Variants in LHX9 observed in about 807,000 individuals in gnomAD.
LHX9 encodes LIM/homeobox protein Lhx9.
In LHX9, 9 loss-of-function variants were observed where a neutral mutation model predicts 36.5. The ratio of observed to expected loss-of-function variants is 0.25; its 90% CI spans 0.15 to 0.43. The LOEUF (loss-of-function observed/expected upper bound fraction) is 0.43, where lower values mean the gene tolerates loss of function less well. LHX9 is among the 20% of genes least tolerant of loss of function. LHX9 has a pLI of 1.00. For synonymous variants in LHX9, 211 were observed against 212.1 expected (o/e 0.99, Z 0.04); for missense variants, 464 against 526.4 (o/e 0.88, Z 1.16).
At chr1:197,914,191 T>C (rs867527), upstream of LHX9, among the ~76,000 whole-genome samples, 21 of 152,278 alleles carry the variant, frequency 1.4e-4, no homozygotes, top group South Asian at 4.4e-3. Context: ...GTGTGCTCAA[T>C]TGTGAGGGAG....
upstream of LHX9, among the ~76,000 whole-genome samples, chr1:197,915,384 A>G (rs1659716078): frequency 6.6e-6 from 1 of 152,098 alleles, no homozygotes; most frequent in Admixed American, 6.6e-5. Flanking sequence ...TTGTGAGAGG[A>G]CCTGCTGTCT....
chr1:197,929,747 T>C lies in LHX9; in HGVS notation c.*488T>C. On this transcript the variant is annotated 3_prime_UTR_variant, in exon 5 of 5. Coordinates refer to ENST00000367387, the MANE Select transcript of LHX9 (RefSeq NM_020204.3). ...TGAAAACGTTACATTTTTTAAATCT[T>C]AAAACTGAAAACTTGTTTTTAGTAT... 1 of 948,826 alleles carries C rather than the reference T, an allele frequency of 1.1e-6. No individual in the cohort carries two copies. The highest frequency in any genetic ancestry group is 1.3e-6 in the Non-Finnish European group (1 of 796,380). 58.8% of individuals were successfully genotyped at this position (948,826 alleles called of 1,614,324 possible).
At position 197,920,104 on chromosome 1, in the gene LHX9, C is replaced by T. The variant is rs377269488; in HGVS notation, c.307C>T (p.Leu103=). Residue 103 remains leucine, a synonymous_variant, in exon 2 of 5, where the codon CTG becomes TTG. Transcript: ENST00000367387. The stretch of plus-strand genomic sequence containing the variant: ...ATGCCTGAAGTGCTGTGAATGTAAG[C>T]TGGCCCTCGAGTCCGAGCTCACCTG... ...LRCLKCCECK[L]ALESELTCFA... The T allele has an allele frequency of 1.2e-5, 19 of 1,614,114 alleles. No homozygotes were observed. The highest frequency in any genetic ancestry group is 2.2e-5 in the East Asian group (1 of 44,898).
upstream of LHX9, chr1:197,917,091 T>TGTGTGG (rs1659782306): frequency 2.4e-5 from 1 of 41,334 alleles, no homozygotes; most frequent in South Asian, 9.9e-4. Flanking sequence ...CTTGGAAGGA[T>TGTGTGG]GTGTGTGTGT....
At chr1:197,927,549 A>T (rs1402105125) in intron 3 of LHX9, 42 bp from the exon 4 acceptor site, 4 of 1,553,510 alleles carry the variant, frequency 2.6e-6, no homozygotes, top group East Asian at 4.5e-5. Context: ...CTAATGCAAG[A>T]ATTTCCACTG....
At chr1:197,919,938 C>A in intron 1 of LHX9, 34 bp from the exon 2 acceptor site, 1 of 1,606,114 alleles carries the variant, frequency 6.2e-7, no homozygotes. Flanking sequence ...ACACCGCGCG[C>A]CCTCCTCAGC....
intron 3 of LHX9, 111 bp from the exon 4 acceptor site, chr1:197,927,480 A>T: frequency 1.1e-6 from 1 of 903,282 alleles, no homozygotes. Flanking sequence ...TGGGTTGACA[A>T]CCTTTTTCAC....
At chr1:197,918,293 A>G (rs1283665600) in intron 1 of LHX9, 1 of 717,486 alleles carries the variant, frequency 1.4e-6, no homozygotes, top group African/African-American at 1.7e-5. Flanking sequence ...ACAGACCTCA[A>G]GGTTCCCTTG....
At chr1:197,915,409 G>GC (rs1039723477), upstream of LHX9, among the ~76,000 whole-genome samples, 12 of 152,172 alleles carry the variant, frequency 7.9e-5, no homozygotes, top group African/African-American at 2.9e-4. Flanking sequence ...AAGGACTGCT[G>GC]CCCCCAGCCC....
Position 197,927,669 on chromosome 1 carries a change from G to A in LHX9, c.812G>A (p.Arg271Gln), listed in dbSNP as rs184403189. The change falls in exon 4 of 5, where the codon CGA becomes CAA. Residue 271 changes from arginine (R) to glutamine (Q), a missense_variant. Physicochemically the swap from Arg to Gln is conservative, Grantham distance 43 (BLOSUM62 1). Transcript: ENST00000367387. The stretch of plus-strand genomic sequence containing the variant: ...CCCTCGCAGAAGACCAAGCGCATGC[G>A]AACCTCTTTCAAGCATCACCAGCTC... ...YPPSQKTKRM[R>Q]TSFKHHQLRT... 6.2e-7 allele frequency: 1 copy of A among 1,613,996 alleles called. No individual in the cohort carries two copies. Among genetic ancestry groups the A allele is most frequent in the African/African-American group, 1.3e-5 (1 of 74,892 alleles).
rs1196384357 is a variant in LHX9, at chr1:197,921,859, G to T, written c.733+200G>T. On this transcript the variant is annotated intron_variant, in intron 3 of 4. Transcript: ENST00000367387. The surrounding 1 kb of genome is among the most constrained non-coding windows in gnomAD (Gnocchi z 4.6). ...GGAGGGAGAGGCAGCACTTTATTTA[G>T]GTTGTGGCAAAAAACACATTCATAA... Among the ~76,000 whole-genome samples the T allele has an allele frequency of 6.6e-6, 1 of 152,126 alleles. No homozygotes were observed. The highest frequency in any genetic ancestry group is 1.5e-5 in the Non-Finnish European group (1 of 68,004).
chr1:197,922,651 G>C (rs895850196), intron 3 of LHX9, among the ~76,000 whole-genome samples: 1 of 152,140 alleles, frequency 6.6e-6, no homozygotes. Context: ...CGCACTTTTG[G>C]GGAGCCTAAG....
At chr1:197,913,391 T>C (rs1659670399), upstream of LHX9, among the ~76,000 whole-genome samples, 1 of 152,172 alleles carries the variant, frequency 6.6e-6, no homozygotes, top group Admixed American at 6.5e-5. Context: ...GAACTCCCCG[T>C]ATCCCAGCTC....
In LHX9 at chr1:197,932,084, A is replaced by AG. The variant is rs1553230399; in HGVS notation, c.*2825_*2826insG. The AG allele has an allele frequency of 8.3e-6, 6 of 725,902 alleles. No homozygotes were observed. In the East Asian group the frequency reaches 8.3e-5, roughly 10 times the overall value. The allele number at this position is 725,902 out of a possible 1,614,324, so 45.0% of individuals were successfully genotyped here. A position where few individuals can be genotyped will look rare whatever the true frequency, so the allele number is the denominator to read the frequency against. ...TAAAAAATTTATTAAGCCAAAAAAA[A>AG]AGAGAGAGAGAGAGACTTAAATGTC... On this transcript the variant is annotated 3_prime_UTR_variant, in exon 5 of 5. Coordinates refer to ENST00000367387, the MANE Select transcript of LHX9 (RefSeq NM_020204.3).
In LHX9 at chr1:197,935,273, A is replaced by G. The variant is rs1660423681; in HGVS notation, c.*6014A>G. The G allele has an allele frequency of 3.3e-5, 5 of 152,316 alleles. No individual in the cohort carries two copies. In the South Asian group the frequency reaches 1.0e-3, roughly 32 times the overall value. 9.4% of individuals were successfully genotyped at this position (152,316 alleles called of 1,614,324 possible). A position where few individuals can be genotyped will look rare whatever the true frequency, so the allele number is the denominator to read the frequency against. ...TGTGCTAAGATAACAAAAAGCAAGCAAGAATAAAGATCCAGATATTAGCCA... is the reference window on the plus strand; with the variant it reads ...TGTGCTAAGATAACAAAAAGCAAGCGAGAATAAAGATCCAGATATTAGCCA... On this transcript the variant is annotated 3_prime_UTR_variant, in exon 5 of 5. Coordinates refer to ENST00000367387, the MANE Select transcript of LHX9 (RefSeq NM_020204.3).
Position 197,921,533 on chromosome 1 carries a change from G to C in LHX9, c.607G>C (p.Glu203Gln), listed in dbSNP as rs149074150. The C allele has an allele frequency of 1.2e-5, 19 of 1,614,068 alleles. No homozygotes were observed. The highest frequency in any genetic ancestry group is 1.6e-5 in the Non-Finnish European group (19 of 1,180,044). The change falls in exon 3 of 5, where the codon GAG becomes CAG. Residue 203 changes from glutamate (E) to glutamine (Q), a missense_variant. This residue lies in a region of LHX9 where 130 missense variants were observed against 109.6 expected (regional missense o/e 1.19). Transcript: ENST00000367387. The surrounding 1 kb of genome is among the most constrained non-coding windows in gnomAD (Gnocchi z 4.6). ...GEYPPQLSYTELAAKSGGLAL... is the reference protein window; with the variant it reads ...GEYPPQLSYTQLAAKSGGLAL... Reference sequence around the variant, plus strand: ...GTATCCACCGCAGCTGAGCTACACGGAGCTGGCGGCCAAGAGCGGCGGCCT... The same window carrying C: ...GTATCCACCGCAGCTGAGCTACACGCAGCTGGCGGCCAAGAGCGGCGGCCT...
chr1:197,916,662 A>G (rs929514239), upstream of LHX9: 4 of 702,960 alleles, frequency 5.7e-6, no homozygotes, highest in Non-Finnish European at 1.0e-5. Flanking sequence ...TTGTTTTGCC[A>G]AAAGTAACCC....
At position 197,934,966 on chromosome 1, in the gene LHX9, T is replaced by G. The variant is rs543595011; in HGVS notation, c.*5707T>G. On this transcript the variant is annotated 3_prime_UTR_variant, in exon 5 of 5. Transcript: ENST00000367387. The stretch of plus-strand genomic sequence containing the variant: ...TTCCGTTTTATTTTATGAGGTTCCC[T>G]GGCAGTTGGGGGGGTGGTGAGGTTG... 1.3e-5 allele frequency: 2 copies of G among 152,274 alleles called. No individual in the cohort carries two copies. Among genetic ancestry groups the G allele is most frequent in the East Asian group, 1.9e-4 (1 of 5,184 alleles). 9.4% of individuals were successfully genotyped at this position (152,274 alleles called of 1,614,324 possible).
chr1:197,919,132 C>T (rs960406508), intron 1 of LHX9, among the ~76,000 whole-genome samples: 1 of 152,214 alleles, frequency 6.6e-6, no homozygotes, highest in Non-Finnish European at 1.5e-5. Flanking sequence ...CTGGTCATCA[C>T]TTTTAAAAAC....
Sources: gnomAD v4.1 joint callset for allele counts (sites outside exome capture counted in the v4.1 genomes callset) on GRCh38, gnomAD v4.1.1 for gene constraint, gnomAD v4.1.1 regional missense constraint, Gnocchi (gnomAD v3.1) non-coding constraint, MANE v1.5 for transcripts, NCBI Gene and HGNC (gene_info 2026-07-23, HGNC 2026-07-21) for gene names.